Variants in SYNPO2 observed in about 807,000 individuals in gnomAD.
SYNPO2 encodes synaptopodin-2.
SYNPO2 carries 56 observed loss-of-function variants against 85.0 expected under a neutral mutation model. The ratio of observed to expected loss-of-function variants is 0.66; its 90% CI spans 0.53 to 0.82. SYNPO2 has a LOEUF of 0.82. SYNPO2 is among the 40% of genes least tolerant of loss of function. The probability of loss-of-function intolerance (pLI) is 0.00; values close to 1 mark genes in which losing one functional copy is unlikely to be tolerated. For synonymous variants in SYNPO2, 602 were observed against 591.1 expected, an observed-to-expected ratio of 1.02 and a Z score of -0.27; for missense variants, 1,575 against 1,534.2, an observed-to-expected ratio of 1.03 and a Z score of -0.44.
rs749196392 is a variant in SYNPO2, at chr4:119,031,879, C to T, written c.3104C>T (p.Ser1035Phe). The change falls in exon 4 of 5, where the codon TCC becomes TTC. Residue 1035 changes from serine (S) to phenylalanine (F), a missense_variant. Ser to Phe is a radical substitution (Grantham distance 155). Around this residue, in one of 3 missense-constraint regions of SYNPO2, gnomAD observed 1,508 missense variants for 1,446.8 expected, o/e 1.04. Transcript: ENST00000307142. The part of the protein sequence containing the change: ...YSVPAYTSPP[S>F]FFAEASSPVS... ...GTACCAGCCTATACCTCTCCTCCTT[C>T]CTTCTTTGCAGAGGCCTCCTCACCA... is the stretch of plus-strand genomic sequence containing the variant. 6.2e-7 allele frequency: 1 copy of T among 1,614,222 alleles called. No individual in the cohort carries two copies. The highest frequency in any genetic ancestry group is 1.1e-5 in the South Asian group (1 of 91,084).
intron 1 of SYNPO2, among the ~76,000 whole-genome samples, chr4:118,915,406 A>G (rs951153871): frequency 6.6e-6 from 1 of 152,050 alleles, no homozygotes; most frequent in Admixed American, 6.6e-5. Context: ...AGATATTTTT[A>G]TTTTAGTTGG....
chr4:118,950,597 G>A (rs1325864651), intron 1 of SYNPO2, among the ~76,000 whole-genome samples: 2 of 152,318 alleles, frequency 1.3e-5, no homozygotes, highest in East Asian at 3.9e-4. Context: ...TAGGACAGAG[G>A]AATATTGCTT....
chr4:118,871,197 C>A (rs989792361), intron 1 of SYNPO2, among the ~76,000 whole-genome samples: 6 of 152,192 alleles, frequency 3.9e-5, no homozygotes, highest in African/African-American at 2.4e-5. Flanking sequence ...TGACAGATAG[C>A]TTTCCTTGGA....
chr4:118,852,116 A>G (rs1338959388), intron 1 of SYNPO2, among the ~76,000 whole-genome samples: 1 of 152,214 alleles, frequency 6.6e-6, no homozygotes, highest in African/African-American at 2.4e-5. Context: ...TTGCCGTATA[A>G]AAAAAGCTCA....
At chr4:118,936,592 G>C (rs1165033118) in intron 1 of SYNPO2, among the ~76,000 whole-genome samples, 1 of 152,082 alleles carries the variant, frequency 6.6e-6, no homozygotes, top group East Asian at 1.9e-4. Context: ...AACCACCCAG[G>C]GTACACAGCC....
intron 1 of SYNPO2, among the ~76,000 whole-genome samples, chr4:118,899,685 CT>C (rs1732653991): frequency 1.3e-5 from 2 of 152,252 alleles, no homozygotes; most frequent in South Asian, 4.1e-4. Flanking sequence ...GATGTCTACC[CT>C]TTGTTCTTAC....
rs568361506 is a variant in SYNPO2, at chr4:118,865,191, G to C, written c.12+14251G>C. ...GGAGGAGACTGGTTCTGCAAGTGTT[G>C]GAATAGCTACGCACTGGAATCAGCA... On this transcript the variant is annotated intron_variant, in intron 1 of 4. Transcript: ENST00000610556. Among the ~76,000 whole-genome samples the C allele has an allele frequency of 2.6e-5, 4 of 152,314 alleles. No individual in the cohort carries two copies. The East Asian group carries it at 5.8e-4, about 22-fold the overall frequency.
At position 118,888,865 on chromosome 4, in the gene SYNPO2, C is replaced by A; in HGVS notation, c.-172C>A. Reference sequence around the variant, plus strand: ...TGAGCCCATTAGCCGCACAAATTCGCAGCAGGCGGCTGGGGCGGCGGCTGG... The same window carrying A: ...TGAGCCCATTAGCCGCACAAATTCGAAGCAGGCGGCTGGGGCGGCGGCTGG... On this transcript the variant is annotated 5_prime_UTR_variant, in exon 1 of 5. Coordinates refer to ENST00000307142, the MANE Select transcript of SYNPO2 (RefSeq NM_133477.3). 1.5e-6 allele frequency: 1 copy of A among 658,222 alleles called. No individual in the cohort carries two copies. The highest frequency in any genetic ancestry group is 2.6e-6 in the Non-Finnish European group (1 of 379,120). 40.8% of individuals were successfully genotyped at this position (658,222 alleles called of 1,614,324 possible). A position where few individuals can be genotyped will look rare whatever the true frequency, so the allele number is the denominator to read the frequency against.
At chr4:118,903,264 C>T (rs1195680133) in intron 1 of SYNPO2, among the ~76,000 whole-genome samples, 1 of 152,036 alleles carries the variant, frequency 6.6e-6, no homozygotes, top group Admixed American at 6.6e-5. Context: ...CTTAATCAGG[C>T]ACAGTAAAAC....
chr4:118,933,828 T>TG (rs1734010311), intron 1 of SYNPO2, among the ~76,000 whole-genome samples: 1 of 118,570 alleles, frequency 8.4e-6, no homozygotes, highest in South Asian at 3.1e-4. Flanking sequence ...CTGTTGTTGT[T>TG]GTTTTTTTTT....
Position 119,030,425 on chromosome 4 carries a change from G to A in SYNPO2, c.1650G>A (p.Val550=). 4 of 1,614,166 alleles carry A rather than the reference G, an allele frequency of 2.5e-6. No homozygotes were observed. Among genetic ancestry groups the A allele is most frequent in the Non-Finnish European group, 3.4e-6 (4 of 1,180,036 alleles). ...EEESVRTQSS[V]SKSYIEVSHG... ...AGTCGGTAAGAACGCAGAGCTCTGT[G>A]AGCAAAAGCTACATCGAGGTGAGTC... The change falls in exon 4 of 5, where the codon GTG becomes GTA. Residue 550 remains valine, a synonymous_variant. Coordinates refer to ENST00000307142, the MANE Select transcript of SYNPO2 (RefSeq NM_133477.3).
intron 4 of SYNPO2, among the ~76,000 whole-genome samples, chr4:119,056,869 C>T (rs1295628045): frequency 6.6e-6 from 1 of 152,174 alleles, no homozygotes; most frequent in African/African-American, 2.4e-5. Flanking sequence ...TTGCTATATT[C>T]ATTCACTAGA....
chr4:118,930,199 A>G (rs1438840407), intron 1 of SYNPO2, among the ~76,000 whole-genome samples: 3 of 152,316 alleles, frequency 2.0e-5, no homozygotes, highest in South Asian at 4.1e-4. Context: ...TAATCCTCAC[A>G]AAAGTCCTAT....
At chr4:118,881,180 T>C (rs956890641) in intron 1 of SYNPO2, among the ~76,000 whole-genome samples, 8 of 151,256 alleles carry the variant, frequency 5.3e-5, no homozygotes, top group African/African-American at 1.9e-4. Flanking sequence ...CGGGCGCCTG[T>C]AGTTCCAGCT....
In SYNPO2 at chr4:118,968,274, A is replaced by C. The variant is rs559299738; in HGVS notation, c.106-55156A>C. 2.0e-5 allele frequency among the ~76,000 whole-genome samples: 3 copies of C among 152,238 alleles called. 1 individual carries two copies. In the South Asian group the frequency reaches 6.2e-4, roughly 32 times the overall value. On this transcript the variant is annotated intron_variant, in intron 1 of 4. Coordinates refer to ENST00000307142, the MANE Select transcript of SYNPO2 (RefSeq NM_133477.3). The stretch of plus-strand genomic sequence containing the variant: ...GGAGAATGTCACTGGAGGCCCTTGC[A>C]CTTGCTAATGCCAATCAGACCTCAT...
Position 119,030,756 on chromosome 4 carries a change from T to C in SYNPO2, c.1981T>C (p.Tyr661His). 1 of 1,614,134 alleles carries C rather than the reference T, an allele frequency of 6.2e-7. No homozygotes were observed. Among genetic ancestry groups the C allele is most frequent in the Non-Finnish European group, 8.5e-7 (1 of 1,180,026 alleles). ...QPAPWSQPAF[Y>H]DSSERIASRD... Reference sequence around the variant, plus strand: ...TGCCCCGTGGTCCCAGCCAGCCTTTTACGATTCGTCTGAGCGAATAGCTTC... The same window carrying C: ...TGCCCCGTGGTCCCAGCCAGCCTTTCACGATTCGTCTGAGCGAATAGCTTC... Residue 661 changes from tyrosine to histidine, a missense_variant, in exon 4 of 5, where the codon TAC (tyrosine) becomes CAC (histidine). By Grantham distance (83) the Tyr-to-His change is moderately conservative. This residue lies in a region of SYNPO2 where 1,508 missense variants were observed against 1,446.8 expected (regional missense o/e 1.04). Coordinates refer to ENST00000307142, the MANE Select transcript of SYNPO2 (RefSeq NM_133477.3).
chr4:119,038,472 G>A (rs940638876), intron 4 of SYNPO2: 2 of 985,252 alleles, frequency 2.0e-6, no homozygotes, highest in African/African-American at 1.7e-5. Flanking sequence ...TGGGAATGGG[G>A]AAGAATGTGA....
At chr4:118,906,688 A>G (rs1284150919) in intron 1 of SYNPO2, among the ~76,000 whole-genome samples, 1 of 152,174 alleles carries the variant, frequency 6.6e-6, no homozygotes, top group Admixed American at 6.5e-5. Context: ...ATCTTTGTTT[A>G]AAAAAGAGAA....
chr4:118,964,300 ACAC>A (rs1735220020), intron 1 of SYNPO2, among the ~76,000 whole-genome samples: 1 of 10,968 alleles, frequency 9.1e-5, no homozygotes, highest in Non-Finnish European at 4.0e-4. Flanking sequence ...CACACACAAC[ACAC>A]ACACACACAC....
Sources: allele counts gnomAD v4.1 joint callset (sites outside exome capture counted in the v4.1 genomes callset), GRCh38; gene constraint gnomAD v4.1.1; regional missense constraint gnomAD v4.1.1; transcripts MANE v1.5; gene names NCBI Gene and HGNC (gene_info 2026-07-23, HGNC 2026-07-21).